Variants in PCDHA9 observed in about 807,000 individuals in gnomAD.
The protein encoded by PCDHA9 is protocadherin alpha-9.
PCDHA9 carries 62 observed loss-of-function variants against 62.0 expected under a neutral mutation model. The ratio of observed to expected loss-of-function variants is 1.00; its 90% CI spans 0.81 to 1.23. PCDHA9 has a LOEUF of 1.23. PCDHA9 is among the 50% of genes most tolerant of loss of function. The probability of loss-of-function intolerance (pLI) is 0.00; values close to 1 mark genes in which losing one functional copy is unlikely to be tolerated. For synonymous variants in PCDHA9, 557 were observed against 567.6 expected, an observed-to-expected ratio of 0.98 and a Z score of 0.27; for missense variants, 1,205 against 1,249.8, an observed-to-expected ratio of 0.96 and a Z score of 0.54.
At chr5:140,951,876 G>A (rs1554220112) in intron 1 of PCDHA9, among the ~76,000 whole-genome samples, 1 of 152,094 alleles carries the variant, frequency 6.6e-6, no homozygotes, top group East Asian at 1.9e-4. Context: ...CTGAGACAAG[G>A]CAACTCTCTT....
At position 140,850,694 on chromosome 5, in the gene PCDHA9, G is replaced by T. The variant is rs2150494629; in HGVS notation, c.2199G>T (p.Ala733=). The T allele has an allele frequency of 5.6e-6, 9 of 1,598,344 alleles. 1 individual carries two copies. The Admixed American group carries it at 8.4e-5, about 15-fold the overall frequency. Residue 733 remains alanine (A), a synonymous_variant, in exon 1 of 4, where the codon GCG becomes GCT. Coordinates refer to ENST00000532602, the MANE Select transcript of PCDHA9 (RefSeq NM_031857.2). ...CGATGCCCACCGAGGGCGAGTGCGC[G>T]CCTGGCAAGCCGACGCTGGTGTGTT... ...CSAMPTEGEC[A]PGKPTLVCSS...
chr5:140,985,163 T>G (rs1045171380), intron 3 of PCDHA9, among the ~76,000 whole-genome samples: 7 of 152,096 alleles, frequency 4.6e-5, no homozygotes, highest in South Asian at 2.1e-4. Flanking sequence ...TGTCTCAATC[T>G]CCTGACCTCG....
At chr5:140,907,582 G>C (rs978225789) in intron 1 of PCDHA9, among the ~76,000 whole-genome samples, 8 of 152,190 alleles carry the variant, frequency 5.3e-5, no homozygotes, top group African/African-American at 1.9e-4. Context: ...CAGGTAGCTG[G>C]CTGATCACCC....
chr5:140,963,964 C>T (rs1207514831), intron 1 of PCDHA9, among the ~76,000 whole-genome samples: 1 of 152,182 alleles, frequency 6.6e-6, no homozygotes, highest in Non-Finnish European at 1.5e-5. Flanking sequence ...AGGAGTGTGA[C>T]TGACTCCAAA....
At chr5:140,948,098 AT>A (rs1400798416) in intron 1 of PCDHA9, among the ~76,000 whole-genome samples, 2 of 151,502 alleles carry the variant, frequency 1.3e-5, no homozygotes, top group African/African-American at 4.8e-5. Flanking sequence ...TGAGCATATG[AT>A]TTTTCTTCGT....
chr5:140,932,373 A>T (rs927239233), intron 1 of PCDHA9, among the ~76,000 whole-genome samples: 1 of 151,942 alleles, frequency 6.6e-6, no homozygotes, highest in Non-Finnish European at 1.5e-5. Flanking sequence ...AAATTTCCAC[A>T]TGAAAGTTAT....
intron 1 of PCDHA9, among the ~76,000 whole-genome samples, chr5:140,937,785 G>A (rs962276976): frequency 7.3e-5 from 11 of 150,436 alleles, no homozygotes; most frequent in Non-Finnish European, 1.3e-4. Flanking sequence ...GGTGGCGGGC[G>A]TATGTAGTCC....
intron 1 of PCDHA9, among the ~76,000 whole-genome samples, chr5:140,903,657 A>G (rs913315008): frequency 6.6e-6 from 1 of 152,230 alleles, no homozygotes; most frequent in Non-Finnish European, 1.5e-5. Flanking sequence ...TATATTATAA[A>G]TTTAACTGAT....
intron 1 of PCDHA9, among the ~76,000 whole-genome samples, chr5:140,925,071 C>T (rs1554202476): frequency 6.8e-6 from 1 of 148,058 alleles, no homozygotes; most frequent in Non-Finnish European, 1.5e-5. Context: ...CAAAGCAACA[C>T]GCTCATCTGG....
chr5:140,882,094 C>G, intron 1 of PCDHA9: 1 of 1,172,684 alleles, frequency 8.5e-7, no homozygotes. Flanking sequence ...TCACTGAGAA[C>G]GTTTCCGCGA....
intron 1 of PCDHA9, chr5:140,884,245 G>A: frequency 6.2e-7 from 1 of 1,613,462 alleles, no homozygotes; most frequent in Non-Finnish European, 8.5e-7. Context: ...AGCCCGCGCT[G>A]ACGGCCACGG....
At chr5:140,859,469 A>G in intron 1 of PCDHA9, 1 of 211,582 alleles carries the variant, frequency 4.7e-6, no homozygotes, top group Non-Finnish European at 9.2e-6. Context: ...CTACACTATC[A>G]ATTGTGTTTT....
intron 3 of PCDHA9, among the ~76,000 whole-genome samples, chr5:140,989,557 G>A (rs933151682): frequency 6.6e-6 from 1 of 152,166 alleles, no homozygotes; most frequent in Non-Finnish European, 1.5e-5. Context: ...TTTACGTTTT[G>A]TGGCTCCGGC....
chr5:140,923,078 G>A (rs1392146044), intron 1 of PCDHA9, among the ~76,000 whole-genome samples: 1 of 152,200 alleles, frequency 6.6e-6, no homozygotes, highest in African/African-American at 2.4e-5. Context: ...CCTCATGTCA[G>A]CACTTATTTG....
At chr5:140,851,249 A>G in intron 1 of PCDHA9, 1 of 1,094,194 alleles carries the variant, frequency 9.1e-7, no homozygotes, top group Non-Finnish European at 1.2e-6. Context: ...TAAATGATGC[A>G]TAGTATTTTA....
intron 1 of PCDHA9, among the ~76,000 whole-genome samples, chr5:140,909,668 CA>C (rs1554193872): frequency 6.6e-6 from 1 of 152,162 alleles, no homozygotes; most frequent in Non-Finnish European, 1.5e-5. Context: ...CTCACTCTAC[CA>C]GTCAGGGAGC....
chr5:140,870,175 G>C (rs2051727190), intron 1 of PCDHA9: 1 of 1,614,012 alleles, frequency 6.2e-7, no homozygotes, highest in South Asian at 1.1e-5. Context: ...GTCCCTCCCA[G>C]TACGAGAGGA....
chr5:140,871,071 G>C (rs1554165077), intron 1 of PCDHA9: 2 of 1,613,188 alleles, frequency 1.2e-6, no homozygotes, highest in East Asian at 2.2e-5. Context: ...ACGGTGAGCC[G>C]GCGCTGACGG....
intron 1 of PCDHA9, among the ~76,000 whole-genome samples, chr5:140,947,528 T>C (rs1175792550): frequency 6.6e-6 from 1 of 151,692 alleles, no homozygotes; most frequent in African/African-American, 2.4e-5. Context: ...GAATCAACTT[T>C]TCAATTTCTA....
Sources: gnomAD v4.1 joint callset for allele counts (sites outside exome capture counted in the v4.1 genomes callset) on GRCh38, gnomAD v4.1.1 for gene constraint, MANE v1.5 for transcripts, NCBI Gene and HGNC (gene_info 2026-07-23, HGNC 2026-07-21) for gene names.